Variants in TLK2 observed in about 807,000 individuals in gnomAD.
TLK2 encodes serine/threonine-protein kinase tousled-like 2.
In TLK2, 6 loss-of-function variants were observed where a neutral mutation model predicts 117.3. That is an observed-to-expected ratio of 0.05 (90% confidence interval 0.03 to 0.10). TLK2 has a LOEUF of 0.10. TLK2 is among the 10% of genes least tolerant of loss of function. The pLI, the probability that TLK2 is intolerant of heterozygous loss-of-function variation, is 1.00. For synonymous variants in TLK2, 257 were observed against 316.7 expected (o/e 0.81, Z 2.00); for missense variants, 299 against 901.2 (o/e 0.33, Z 8.56).
intron 16 of TLK2, among the ~76,000 whole-genome samples, chr17:62,596,266 G>T (rs1312408584): frequency 6.6e-6 from 1 of 151,956 alleles, no homozygotes; most frequent in African/African-American, 2.4e-5. Flanking sequence ...AGTAGAGACG[G>T]GGTTTCACCA....
chr17:62,584,899 A>G (rs1375936189), intron 15 of TLK2, among the ~76,000 whole-genome samples: 2 of 152,192 alleles, frequency 1.3e-5, no homozygotes, highest in African/African-American at 4.8e-5. Flanking sequence ...ATTTATTTGT[A>G]TATTTGTGGA....
intron 16 of TLK2, among the ~76,000 whole-genome samples, chr17:62,587,987 A>G (rs1271144799): frequency 1.3e-5 from 2 of 149,194 alleles, no homozygotes; most frequent in Non-Finnish European, 3.0e-5. Flanking sequence ...ACATCTGTAT[A>G]TGTATAAAAT....
At chr17:62,546,636 A>T (rs2077968215) in intron 7 of TLK2, among the ~76,000 whole-genome samples, 1 of 148,286 alleles carries the variant, frequency 6.7e-6, no homozygotes, top group Non-Finnish European at 1.5e-5. Context: ...GCTCACTGCA[A>T]CCTCTGCCAC....
At position 62,536,352 on chromosome 17, in the gene TLK2, T is replaced by C. The variant is rs756106427; in HGVS notation, c.531+15T>C. 18 of 1,604,732 alleles carry C rather than the reference T, an allele frequency of 1.1e-5. No individual in the cohort carries two copies. In the South Asian group the frequency reaches 2.0e-4, roughly 18 times the overall value. On this transcript the variant is annotated intron_variant, in intron 7 of 21. Transcript: ENST00000346027. ...CTTTTGTTTCAGTGAGTACAAAGCC[T>C]AAGTTAATTCATATCCTTTCCATTG...
chr17:62,567,952 C>T (rs2079935855), intron 11 of TLK2, among the ~76,000 whole-genome samples: 1 of 152,010 alleles, frequency 6.6e-6, no homozygotes, highest in Non-Finnish European at 1.5e-5. Flanking sequence ...TTTTGCTTTC[C>T]ACAGTATGTT....
intron 1 of TLK2, 22 bp from the exon 2 acceptor site, chr17:62,481,099 C>T (rs769432252): frequency 6.2e-7 from 1 of 1,612,366 alleles, no homozygotes; most frequent in Non-Finnish European, 8.5e-7. Context: ...TATGGTTTCA[C>T]AGCCTACTTT....
At chr17:62,506,598 T>G (rs1484007602) in intron 2 of TLK2, among the ~76,000 whole-genome samples, 2 of 152,248 alleles carry the variant, frequency 1.3e-5, no homozygotes, top group African/African-American at 2.4e-5. Flanking sequence ...TCACTGAATT[T>G]TCTTCAAGGT....
chr17:62,536,375 T>C (rs776389739), intron 7 of TLK2, 38 bp downstream of exon 7: 4 of 1,580,432 alleles, frequency 2.5e-6, no homozygotes, highest in African/African-American at 1.3e-5. Context: ...ATCCTTTCCA[T>C]TGCCCTAGTG....
chr17:62,553,192 T>A (rs2078605572), intron 8 of TLK2, among the ~76,000 whole-genome samples: 2 of 152,118 alleles, frequency 1.3e-5, no homozygotes, highest in African/African-American at 4.8e-5. Flanking sequence ...GGAGCACATT[T>A]GAATTTTATC....
At chr17:62,479,962 T>C (rs1439350262) in intron 1 of TLK2, among the ~76,000 whole-genome samples, 1 of 152,218 alleles carries the variant, frequency 6.6e-6, no homozygotes, top group African/African-American at 2.4e-5. Flanking sequence ...TTTCCTTCTT[T>C]TTCTTTTTGT....
intron 2 of TLK2, among the ~76,000 whole-genome samples, chr17:62,507,034 A>G (rs1198617654): frequency 6.6e-6 from 1 of 152,248 alleles, no homozygotes; most frequent in African/African-American, 2.4e-5. Flanking sequence ...TGATACATAC[A>G]GACCTAGTTT....
intron 11 of TLK2, 114 bp downstream of exon 11, chr17:62,565,251 G>C (rs528005059): frequency 1.6e-6 from 2 of 1,286,054 alleles, no homozygotes; most frequent in African/African-American, 3.0e-5. Context: ...TTTTCAGTTA[G>C]TTTTTTAGTC....
chr17:62,488,734 C>T (rs1490809605), intron 2 of TLK2, among the ~76,000 whole-genome samples: 1 of 151,664 alleles, frequency 6.6e-6, no homozygotes, highest in African/African-American at 2.4e-5. Flanking sequence ...TTGGTTACCA[C>T]AGAAATTACA....
chr17:62,581,141 T>A (rs1452682631), intron 15 of TLK2, among the ~76,000 whole-genome samples: 3 of 151,982 alleles, frequency 2.0e-5, no homozygotes, highest in African/African-American at 7.2e-5. Flanking sequence ...ACCTCTTGAG[T>A]AGCTGGGACT....
intron 11 of TLK2, among the ~76,000 whole-genome samples, chr17:62,566,571 A>T (rs149793264): frequency 3.2e-4 from 49 of 152,204 alleles, no homozygotes; most frequent in Admixed American, 6.5e-5. Flanking sequence ...CCGGCACCAG[A>T]CATTCAGAGC....
In TLK2 at chr17:62,517,457, C is replaced by T. The variant is rs577327796; in HGVS notation, c.82-3316C>T. ...TTGCCCAGGCTGGAGTGCAGTGGCG[C>T]GATCTCAGCTCACTGCAAGCTCCAC... is the stretch of plus-strand genomic sequence containing the variant. On this transcript the variant is annotated intron_variant, in intron 2 of 21. Coordinates refer to ENST00000346027, the MANE Select transcript of TLK2 (RefSeq NM_006852.6). Among the ~76,000 whole-genome samples, 257 of 152,042 alleles carry T rather than the reference C, an allele frequency of 1.7e-3. 1 individual carries two copies. The highest frequency in any genetic ancestry group is 1.6e-3 in the Non-Finnish European group (106 of 67,968).
At chr17:62,599,449 T>G (rs752078460) in intron 17 of TLK2, among the ~76,000 whole-genome samples, 29 of 152,220 alleles carry the variant, frequency 1.9e-4, no homozygotes, top group Non-Finnish European at 4.0e-4. Context: ...TTTGGGGGGT[T>G]AGCCCGTGTA....
chr17:62,532,766 T>C (rs2076830564), intron 6 of TLK2, among the ~76,000 whole-genome samples: 1 of 152,204 alleles, frequency 6.6e-6, no homozygotes, highest in Non-Finnish European at 1.5e-5. Context: ...TAAGCATTTA[T>C]ATCTATAAAT....
chr17:62,534,446 T>A (rs1462584235), intron 6 of TLK2, among the ~76,000 whole-genome samples: 1 of 152,228 alleles, frequency 6.6e-6, no homozygotes, highest in Admixed American at 6.5e-5. Flanking sequence ...TGCATGTTTC[T>A]TAAGTTTGCT....
Sources: gnomAD v4.1 joint callset for allele counts (sites outside exome capture counted in the v4.1 genomes callset) on GRCh38, gnomAD v4.1.1 for gene constraint, MANE v1.5 for transcripts, NCBI Gene and HGNC (gene_info 2026-07-23, HGNC 2026-07-21) for gene names.